Variants in TECPR1 observed in about 807,000 individuals in gnomAD.
TECPR1 encodes the protein tectonin beta-propeller repeat-containing protein 1.
Under a neutral mutation model 162.4 loss-of-function variants are expected in TECPR1, and 122 were observed. The observed-to-expected ratio is 0.75, with a 90% confidence interval of 0.65 to 0.87. The LOEUF is 0.87. TECPR1 is among the 40% of genes least tolerant of loss of function. The pLI is 0.00. For missense variants in TECPR1, 1,432 were observed against 1,618.2 expected (o/e 0.88, Z 1.97); for synonymous variants, 642 against 670.6 (o/e 0.96, Z 0.66).
intron 8 of TECPR1, among the ~76,000 whole-genome samples, chr7:98,239,770 C>T (rs1371858498): frequency 1.3e-5 from 2 of 151,892 alleles, no homozygotes; most frequent in African/African-American, 2.4e-5. Flanking sequence ...ACGTGTGGGC[C>T]GTCCATCCCC....
At chr7:98,224,954 G>A in intron 18 of TECPR1, 52 bp downstream of exon 18, 1 of 1,539,148 alleles carries the variant, frequency 6.5e-7, no homozygotes, top group Non-Finnish European at 8.8e-7. Context: ...GGAGGGGCAA[G>A]GAGGGGTGGG....
intron 4 of TECPR1, 45 bp downstream of exon 4, chr7:98,244,840 C>T (rs372782045): frequency 3.2e-5 from 51 of 1,602,414 alleles, no homozygotes; most frequent in African/African-American, 1.1e-4. Flanking sequence ...GCGGGAGGCA[C>T]CCCCTCCCCA....
intron 21 of TECPR1, 131 bp downstream of exon 21, chr7:98,222,859 A>G (rs1449789472): frequency 8.1e-7 from 1 of 1,240,548 alleles, no homozygotes; most frequent in Non-Finnish European, 1.1e-6. Context: ...GCCCCAGGGC[A>G]CAGGGACCCA....
intron 15 of TECPR1, among the ~76,000 whole-genome samples, chr7:98,230,665 C>A (rs1011115751): frequency 6.6e-6 from 1 of 152,172 alleles, no homozygotes; most frequent in African/African-American, 2.4e-5. Flanking sequence ...AGCCTGGAAG[C>A]CCCCTGGGGT....
In TECPR1 at chr7:98,240,967, G is replaced by C. The variant is rs756369925; in HGVS notation, c.833-16C>G. The C allele has an allele frequency of 3.8e-6, 6 of 1,596,896 alleles. No homozygotes were observed. Among genetic ancestry groups the C allele is most frequent in the Non-Finnish European group, 5.1e-6 (6 of 1,173,160 alleles). On this transcript the variant is annotated splice_polypyrimidine_tract_variant and intron_variant, in intron 7 of 25. Transcript: ENST00000447648. ...CAGGAACTTCCTACCGGGCCCCCAA[G>C]AAACCCCCAGTGGCCCCCATCAGCC...
rs1020992209 is a variant in TECPR1, at chr7:98,223,706, C to A, written c.2703G>T (p.Gly901=). The part of the protein sequence containing the change: ...YASDFPASYH[G]SKTMKDFVRR... ...TCACAAAATCCTTCATCGTTTTGGA[C>A]CCATGGTATGAGCTGCAAGGAGGAA... is the stretch of plus-strand genomic sequence containing the variant. Residue 901 remains glycine (G), a synonymous_variant, in exon 20 of 26, where the codon GGG becomes GGT. Coordinates refer to ENST00000447648, the MANE Select transcript of TECPR1 (RefSeq NM_015395.3). 6.2e-7 allele frequency: 1 copy of A among 1,613,628 alleles called. No homozygotes were observed. Among genetic ancestry groups the A allele is most frequent in the African/African-American group, 1.3e-5 (1 of 74,910 alleles).
At chr7:98,240,720 T>G in intron 8 of TECPR1, 131 bp downstream of exon 8, 5 of 791,306 alleles carry the variant, frequency 6.3e-6, no homozygotes, top group Non-Finnish European at 9.6e-6. Context: ...CGGCCTGGGT[T>G]TTTCTTTTTT....
chr7:98,243,346 G>T, intron 6 of TECPR1, 121 bp downstream of exon 6: 1 of 1,358,406 alleles, frequency 7.4e-7, no homozygotes, highest in Non-Finnish European at 9.9e-7. Context: ...AAGGCCAGGA[G>T]CAGGCATGGG....
rs1657675147 is a variant in TECPR1 at position 98,216,815 on chromosome 7, C to T, written c.*575G>A. 6.6e-6 allele frequency: 1 copy of T among 152,512 alleles called. No homozygotes were observed. Among genetic ancestry groups the T allele is most frequent in the Non-Finnish European group, 1.5e-5 (1 of 68,324 alleles). 9.4% of individuals were successfully genotyped at this position (152,512 alleles called of 1,614,324 possible). A position where few individuals can be genotyped will look rare whatever the true frequency, so the allele number is the denominator to read the frequency against. On this transcript the variant is annotated 3_prime_UTR_variant, in exon 26 of 26. Transcript: ENST00000447648. ...CTTGACCTAGGTGATCTGCCCACCT[C>T]AGCCTCCCAAAGTGCTGGGATTACA...
intron 5 of TECPR1, 121 bp downstream of exon 5, chr7:98,244,450 A>G (rs1798848163): frequency 2.3e-6 from 3 of 1,330,474 alleles, no homozygotes; most frequent in Non-Finnish European, 3.1e-6. Flanking sequence ...CTCAAAGGCC[A>G]GGTCCCGAGG....
intron 3 of TECPR1, 166 bp from the exon 4 acceptor site, chr7:98,245,233 A>AC (rs765323630): frequency 1.1e-5 from 8 of 701,206 alleles, no homozygotes; most frequent in South Asian, 1.1e-4. Context: ...GCAACTGGGG[A>AC]CCCCCATGCC....
At chr7:98,242,406 T>C (rs1383714997) in intron 6 of TECPR1, among the ~76,000 whole-genome samples, 2 of 151,820 alleles carry the variant, frequency 1.3e-5, no homozygotes, top group Non-Finnish European at 2.9e-5. Context: ...ACAGATCCAC[T>C]ACCCACCTAC....
chr7:98,224,214 C>T (rs1798217423), intron 19 of TECPR1, among the ~76,000 whole-genome samples: 2 of 152,160 alleles, frequency 1.3e-5, no homozygotes, highest in African/African-American at 4.8e-5. Context: ...GGCTCTGGGC[C>T]CCAGCTCAGG....
chr7:98,240,794 C>A, intron 8 of TECPR1, 57 bp downstream of exon 8: 1 of 1,393,644 alleles, frequency 7.2e-7, no homozygotes. Context: ...GATCACAGCT[C>A]ACTGCAGTCT....
chr7:98,242,071 C>G (rs1389528266), intron 6 of TECPR1, among the ~76,000 whole-genome samples: 1 of 152,352 alleles, frequency 6.6e-6, no homozygotes, highest in Admixed American at 6.5e-5. Flanking sequence ...GGGCAGCTCC[C>G]TCACTCTGCC....
Position 98,233,568 on chromosome 7 carries a change from T to A in TECPR1, c.1525A>T (p.Thr509Ser). 6.3e-7 allele frequency: 1 copy of A among 1,596,622 alleles called. No individual in the cohort carries two copies. The highest frequency in any genetic ancestry group is 8.5e-7 in the Non-Finnish European group (1 of 1,172,926). The change falls in exon 11 of 26, where the codon ACC (threonine) becomes TCC (serine). Residue 509 changes from threonine (T) to serine (S), a missense_variant. Coordinates refer to ENST00000447648, the MANE Select transcript of TECPR1 (RefSeq NM_015395.3). ...AGCCCCAGAGAGGAGAGGCTGGTGGTCTCGGGGAAGCCAGCGGCCGAGTGG... is the reference window on the plus strand; with the variant it reads ...AGCCCCAGAGAGGAGAGGCTGGTGGACTCGGGGAAGCCAGCGGCCGAGTGG... ...PSHSAAGFPE[T>S]TSLSSLGLLP...
rs961617698 is a variant in TECPR1, at chr7:98,232,239, G to A, written c.1819-280C>T. On this transcript the variant is annotated intron_variant, in intron 12 of 25. Transcript: ENST00000447648. The surrounding 1 kb of genome is among the most constrained non-coding windows in gnomAD (Gnocchi z 4.6). ...GCCTTCTGCATGGGGAGACAGGCTC[G>A]GGAGGGTTCCGTGCCTGGCTTTGGT... Among the ~76,000 whole-genome samples the A allele has an allele frequency of 1.3e-5, 2 of 152,092 alleles. No homozygotes were observed. Among genetic ancestry groups the A allele is most frequent in the Admixed American group, 6.6e-5 (1 of 15,262 alleles).
chr7:98,233,422 C>G lies in TECPR1; in HGVS notation c.1671G>C (p.Ala557=). 2 of 1,452,310 alleles carry G rather than the reference C, an allele frequency of 1.4e-6. No homozygotes were observed. Among genetic ancestry groups the G allele is most frequent in the Non-Finnish European group, 1.8e-6 (2 of 1,101,464 alleles). The allele number at this position is 1,452,310 out of a possible 1,614,324, so 90.0% of individuals were successfully genotyped here. ...CCCAGGCCCTGCAGGAGCCCTTACC[C>G]GCCTGGACAGTGAACCATCTGGGCA... is the stretch of plus-strand genomic sequence containing the variant. The part of the protein sequence containing the change: ...CAMPRWFTVQ[A]GLSSSVHMLS... The change falls in exon 11 of 26, where the codon GCG becomes GCC. Residue 557 remains alanine, a splice_region_variant and synonymous_variant. Transcript: ENST00000447648.
In TECPR1 at chr7:98,231,240, T is replaced by C. The variant is rs758980474; in HGVS notation, c.2108A>G (p.Gln703Arg). ...ACCACTCACCCAGTCATTCATGTCC[T>C]GCTCGGTGGCAGCAGCCAGACGCAC... is the stretch of plus-strand genomic sequence containing the variant. Reference protein sequence around the residue: ...WPVRLAAATEQDMNDWLALLS... With the variant: ...WPVRLAAATERDMNDWLALLS... Residue 703 changes from glutamine (Q) to arginine (R), a missense_variant, in exon 14 of 26, where the codon CAG becomes CGG. Transcript: ENST00000447648. 1.2e-6 allele frequency: 2 copies of C among 1,612,884 alleles called. No individual in the cohort carries two copies. The highest frequency in any genetic ancestry group is 2.2e-5 in the East Asian group (1 of 44,866).
Sources: gnomAD v4.1 joint callset for allele counts (sites outside exome capture counted in the v4.1 genomes callset) on GRCh38, gnomAD v4.1.1 for gene constraint, Gnocchi (gnomAD v3.1) non-coding constraint, MANE v1.5 for transcripts, NCBI Gene and HGNC (gene_info 2026-07-23, HGNC 2026-07-21) for gene names.